SPTY2D1: variants seen among roughly 807,000 people sequenced by gnomAD.
SPTY2D1 encodes SPT2 chromatin protein domain containing 1.
A neutral mutation model predicts 64.0 loss-of-function variants in SPTY2D1; 21 were observed. The observed-to-expected ratio is 0.33, with a 90% CI of 0.23 to 0.47. SPTY2D1 has a LOEUF of 0.47. SPTY2D1 is among the 20% of genes least tolerant of loss of function. The pLI is 1.00. For synonymous variants in SPTY2D1, 287 were observed against 286.8 expected (o/e 1.00, Z -0.01); for missense variants, 724 against 837.2 (o/e 0.86, Z 1.67).
intron 5 of SPTY2D1, 40 bp downstream of exon 5, chr11:18,611,437 T>C (rs10128711): frequency 0.69 from 1,084,341 of 1,576,072 alleles, 385,991 homozygotes; most frequent in Non-Finnish European, 0.74. Flanking sequence ...AAGGAATTTT[T>C]AGGACATTTT....
chr11:18,623,217 C>T (rs534370627), intron 1 of SPTY2D1, among the ~76,000 whole-genome samples: 1 of 152,186 alleles, frequency 6.6e-6, no homozygotes, highest in Admixed American at 6.5e-5. Context: ...ATAAGTGGGT[C>T]CACACAGTTC....
intron 2 of SPTY2D1, among the ~76,000 whole-genome samples, chr11:18,616,371 A>G (rs570526903): frequency 3.9e-4 from 60 of 152,358 alleles, no homozygotes; most frequent in African/African-American, 1.4e-3. Flanking sequence ...AGAGAACATT[A>G]GTATCCACTT....
intron 1 of SPTY2D1, among the ~76,000 whole-genome samples, chr11:18,633,275 C>T (rs554359591): frequency 1.3e-5 from 2 of 152,294 alleles, no homozygotes; most frequent in South Asian, 4.1e-4. Flanking sequence ...TTCGTCGGAG[C>T]TCAATAAATT....
At chr11:18,632,595 C>T (rs1021183195) in intron 1 of SPTY2D1, among the ~76,000 whole-genome samples, 4 of 152,240 alleles carry the variant, frequency 2.6e-5, no homozygotes, top group Middle Eastern at 6.8e-3. Flanking sequence ...GTGATTCTCC[C>T]GCCTAGGCCT....
intron 1 of SPTY2D1, among the ~76,000 whole-genome samples, chr11:18,617,819 G>A (rs923594287): frequency 3.3e-5 from 5 of 151,328 alleles, no homozygotes; most frequent in South Asian, 4.2e-4. Context: ...GCGCACATCC[G>A]TAATCCCAGC....
In SPTY2D1 at chr11:18,634,318, C is replaced by A; in HGVS notation, c.-61G>T. 1.9e-6 allele frequency: 3 copies of A among 1,580,358 alleles called. No homozygotes were observed. The highest frequency in any genetic ancestry group is 3.3e-5 in the Admixed American group (2 of 59,910). On this transcript the variant is annotated 5_prime_UTR_variant, in exon 1 of 6. Transcript: ENST00000336349. Reference sequence around the variant, plus strand: ...CGGAAAGGACTGACAGCGCACCTAACCGAGGCGCCCAGCTACAGCCAACTG... The same window carrying A: ...CGGAAAGGACTGACAGCGCACCTAAACGAGGCGCCCAGCTACAGCCAACTG...
At chr11:18,610,041 C>G in intron 5 of SPTY2D1, 87 bp from the exon 6 acceptor site, 1 of 1,208,680 alleles carries the variant, frequency 8.3e-7, no homozygotes, top group Non-Finnish European at 1.2e-6. Flanking sequence ...ACTGGGAGCT[C>G]ACATGGATTG....
chr11:18,631,962 A>G (rs1182347505), intron 1 of SPTY2D1, among the ~76,000 whole-genome samples: 5 of 152,130 alleles, frequency 3.3e-5, no homozygotes, highest in African/African-American at 9.7e-5. Flanking sequence ...CCTGGCCAAC[A>G]TGGTGAAACC....
Position 18,612,284 on chromosome 11 carries a change from C to CT in SPTY2D1, c.1886+29_1886+30insA. 1 of 1,544,608 alleles carries CT rather than the reference C, an allele frequency of 6.5e-7. No homozygotes were observed. Among genetic ancestry groups the CT allele is most frequent in the Non-Finnish European group, 8.7e-7 (1 of 1,144,750 alleles). ...ATTATTCAAAATAAAAAAAGGATGT[C>CT]ATAGTTATCTGAATCTTCTTTAGTC... On this transcript the variant is annotated intron_variant, in intron 4 of 5. Coordinates refer to ENST00000336349, the MANE Select transcript of SPTY2D1 (RefSeq NM_194285.3). The surrounding 1 kb of genome is among the most constrained non-coding windows in gnomAD (Gnocchi z 4.6).
At chr11:18,623,919 A>G (rs1854456815) in intron 1 of SPTY2D1, among the ~76,000 whole-genome samples, 1 of 152,194 alleles carries the variant, frequency 6.6e-6, no homozygotes, top group African/African-American at 2.4e-5. Flanking sequence ...CATTGTATAG[A>G]TATACCATGC....
chr11:18,610,677 A>C (rs1235201734), intron 5 of SPTY2D1, among the ~76,000 whole-genome samples: 2 of 150,740 alleles, frequency 1.3e-5, no homozygotes, highest in Non-Finnish European at 3.0e-5. Flanking sequence ...TAAAAAAAAA[A>C]AAAAAAAAAA....
chr11:18,620,745 A>G (rs7936520), intron 1 of SPTY2D1, among the ~76,000 whole-genome samples: 12,542 of 151,094 alleles, frequency 0.083, 1,376 homozygotes, highest in African/African-American at 0.26. Context: ...AACTTAGCCA[A>G]GCGTGGTGGT....
chr11:18,615,873 T>C lies in SPTY2D1; in HGVS notation c.401A>G (p.Tyr134Cys). The C allele has an allele frequency of 5.0e-6, 8 of 1,614,152 alleles. No individual in the cohort carries two copies. The highest frequency in any genetic ancestry group is 6.8e-6 in the Non-Finnish European group (8 of 1,180,022). The change falls in exon 3 of 6, where the codon TAC becomes TGC. Residue 134 changes from tyrosine (Y) to cysteine (C), a missense_variant. Tyr to Cys is a radical substitution (Grantham distance 194, BLOSUM62 -2). Coordinates refer to ENST00000336349, the MANE Select transcript of SPTY2D1 (RefSeq NM_194285.3). Reference protein sequence around the residue: ...EMEEENEFLEYNHAESEQEYE... With the variant: ...EMEEENEFLECNHAESEQEYE... Reference sequence around the variant, plus strand: ...CTCCTGCTCTGACTCTGCGTGATTGTACTCGAGGAATTCATTCTCTTCTTC... The same window carrying C: ...CTCCTGCTCTGACTCTGCGTGATTGCACTCGAGGAATTCATTCTCTTCTTC...
chr11:18,615,366 C>T lies in SPTY2D1; in HGVS notation c.908G>A (p.Gly303Asp), dbSNP rs1426295767. 1 of 1,614,146 alleles carries T rather than the reference C, an allele frequency of 6.2e-7. No individual in the cohort carries two copies. The highest frequency in any genetic ancestry group is 1.6e-4 in the Middle Eastern group (1 of 6,062). The change falls in exon 3 of 6, where the codon GGC becomes GAC. Residue 303 changes from glycine to aspartate, a missense_variant. By Grantham distance (94) the Gly-to-Asp change is moderately conservative (BLOSUM62 -1). Transcript: ENST00000336349. ...GNSSQPSLRE[G>D]HDKPVFNGAG... ...TCCATTAAAAACAGGTTTGTCGTGG[C>T]CCTCACGAAGTGAGGGTTGGGAGCT...
chr11:18,617,033 A>T (rs1854310631), intron 1 of SPTY2D1, 44 bp from the exon 2 acceptor site: 14 of 1,536,314 alleles, frequency 9.1e-6, no homozygotes, highest in Non-Finnish European at 1.1e-5. Flanking sequence ...TCAACTTTTA[A>T]AATACATTAT....
In SPTY2D1 at chr11:18,606,776, T is replaced by C; in HGVS notation, c.*3085A>G. The stretch of plus-strand genomic sequence containing the variant: ...TATATCTCAGAAATTTACCAATAGC[T>C]GCTTTTAAGTTACAAAATACAAAAC... On this transcript the variant is annotated 3_prime_UTR_variant, in exon 6 of 6. Coordinates refer to ENST00000336349, the MANE Select transcript of SPTY2D1 (RefSeq NM_194285.3). The C allele has an allele frequency of 5.1e-6, 2 of 388,470 alleles. No homozygotes were observed. The highest frequency in any genetic ancestry group is 9.8e-6 in the Non-Finnish European group (2 of 204,440). The allele number at this position is 388,470 out of a possible 1,614,324, so 24.1% of individuals were successfully genotyped here.
chr11:18,624,344 A>G (rs770304729), intron 1 of SPTY2D1, among the ~76,000 whole-genome samples: 70 of 152,198 alleles, frequency 4.6e-4, no homozygotes, highest in Non-Finnish European at 2.9e-5. Context: ...GCATCCATCA[A>G]TTCTGAATCT....
rs1238878210 is a variant in SPTY2D1 at position 18,612,622 on chromosome 11, G to C, written c.1712-134C>G. ...AGCAAGCAGGCTGGCCCTTAGCGCA[G>C]AGCCATCATCCTTGCTGTGTCATGG... On this transcript the variant is annotated intron_variant, in intron 3 of 5. Transcript: ENST00000336349. This position sits in a 1 kb window ranked among gnomAD's most constrained non-coding sequence, Gnocchi z 4.6. 8 of 656,802 alleles carry C rather than the reference G, an allele frequency of 1.2e-5. No individual in the cohort carries two copies. Among genetic ancestry groups the C allele is most frequent in the African/African-American group, 5.5e-5 (3 of 54,072 alleles). The allele number at this position is 656,802 out of a possible 1,614,324, so 40.7% of individuals were successfully genotyped here.
intron 1 of SPTY2D1, among the ~76,000 whole-genome samples, chr11:18,620,728 T>C (rs994737530): frequency 1.3e-5 from 2 of 150,716 alleles, no homozygotes; most frequent in African/African-American, 4.9e-5. Flanking sequence ...CTACTAAAAA[T>C]ACAAAAAACT....
Sources: gnomAD v4.1 joint callset for allele counts (sites outside exome capture counted in the v4.1 genomes callset) on GRCh38, gnomAD v4.1.1 for gene constraint, Gnocchi (gnomAD v3.1) non-coding constraint, MANE v1.5 for transcripts, NCBI Gene and HGNC (gene_info 2026-07-23, HGNC 2026-07-21) for gene names.